LMNB1: variants seen among roughly 807,000 people sequenced by gnomAD.
LMNB1 encodes the protein lamin B1.
A neutral mutation model predicts 67.1 loss-of-function variants in LMNB1; 23 were observed. The ratio of observed to expected loss-of-function variants is 0.34; its 90% confidence interval spans 0.25 to 0.49. The LOEUF (loss-of-function observed/expected upper bound fraction) is 0.49, where lower values mean the gene tolerates loss of function less well. Among genes scored for constraint, LMNB1 ranks in the 20% least tolerant of loss-of-function variants. LMNB1 has a pLI of 0.99. For missense variants in LMNB1, 634 were observed against 746.5 expected (o/e 0.85, Z 1.76); for synonymous variants, 281 against 282.9 (o/e 0.99, Z 0.07).
At chr5:126,780,603 GTTAGTGTGA>G (rs935731005) in intron 1 of LMNB1, among the ~76,000 whole-genome samples, 1 of 152,204 alleles carries the variant, frequency 6.6e-6, no homozygotes, top group Non-Finnish European at 1.5e-5. Context: ...GGAGTGAAGG[GTTAGTGTGA>G]TTAAGGAAGG....
At chr5:126,826,167 G>GTGAAC in intron 9 of LMNB1, 60 bp downstream of exon 9, 1 of 1,545,034 alleles carries the variant, frequency 6.5e-7, no homozygotes. Context: ...CACTGTGCAA[G>GTGAAC]TATAATCAAG....
intron 3 of LMNB1, 71 bp downstream of exon 3, chr5:126,805,767 GTAATTATATTT>G (rs1751401875): frequency 9.7e-7 from 1 of 1,033,518 alleles, no homozygotes. Context: ...AGCTAAACAT[GTAATTATATTT>G]TATTTATGAT....
At chr5:126,788,042 G>A (rs1229316805) in intron 1 of LMNB1, among the ~76,000 whole-genome samples, 1 of 152,080 alleles carries the variant, frequency 6.6e-6, no homozygotes, top group Non-Finnish European at 1.5e-5. Context: ...CTTGAACTGA[G>A]GCAGGTGGAA....
At chr5:126,827,135 G>T (rs1253722212) in intron 9 of LMNB1, among the ~76,000 whole-genome samples, 1 of 151,792 alleles carries the variant, frequency 6.6e-6, no homozygotes, top group Non-Finnish European at 1.5e-5. Context: ...TATATAGGGG[G>T]AATGTTAGGC....
At chr5:126,807,991 C>T (rs1751492420) in intron 3 of LMNB1, among the ~76,000 whole-genome samples, 1 of 151,868 alleles carries the variant, frequency 6.6e-6, no homozygotes, top group African/African-American at 2.4e-5. Flanking sequence ...TCTGCTTCAG[C>T]CTCTGGAGTA....
At position 126,789,701 on chromosome 5, in the gene LMNB1, A is replaced by G. The variant is rs11241909; in HGVS notation, c.359+11834A>G. Among the ~76,000 whole-genome samples the G allele has an allele frequency of 7.8e-3, 1,182 of 151,752 alleles. 22 individuals are homozygous for G. Among genetic ancestry groups the G allele is most frequent in the African/African-American group, 0.028 (1,140 of 41,372 alleles). The stretch of plus-strand genomic sequence containing the variant: ...TTTGAATTTTTTTTTTGAGGACGAG[A>G]CTTGCTGTGTCTTCTTGGCTGGAGT... On this transcript the variant is annotated intron_variant, in intron 1 of 10. Coordinates refer to ENST00000261366, the MANE Select transcript of LMNB1 (RefSeq NM_005573.4).
chr5:126,796,742 A>G (rs1038085331), intron 1 of LMNB1, among the ~76,000 whole-genome samples: 4 of 149,006 alleles, frequency 2.7e-5, no homozygotes, highest in African/African-American at 7.5e-5. Context: ...GAATATAAAT[A>G]TATCCTTTCT....
At chr5:126,833,512 T>C (rs778006999) in intron 10 of LMNB1, among the ~76,000 whole-genome samples, 14 of 152,246 alleles carry the variant, frequency 9.2e-5, no homozygotes, top group Non-Finnish European at 1.9e-4. Flanking sequence ...ATAAACACTG[T>C]CTCATATATT....
intron 3 of LMNB1, among the ~76,000 whole-genome samples, chr5:126,809,244 AT>A (rs1258812078): frequency 6.6e-6 from 1 of 152,224 alleles, no homozygotes; most frequent in Non-Finnish European, 1.5e-5. Flanking sequence ...AACTACTTCT[AT>A]TCTTCAATGG....
chr5:126,812,174 T>TA (rs539907134), intron 5 of LMNB1, among the ~76,000 whole-genome samples: 58 of 152,342 alleles, frequency 3.8e-4, no homozygotes, highest in African/African-American at 1.3e-3. Context: ...TCACTGTACT[T>TA]ACCCTAGGAC....
intron 1 of LMNB1, among the ~76,000 whole-genome samples, chr5:126,798,941 A>T (rs939070492): frequency 3.9e-5 from 6 of 152,284 alleles, no homozygotes; most frequent in Non-Finnish European, 8.8e-5. Context: ...TGATCAATGC[A>T]CTGTAAGTGC....
intron 5 of LMNB1, among the ~76,000 whole-genome samples, chr5:126,815,649 G>A (rs1179211669): frequency 1.3e-5 from 2 of 152,096 alleles, no homozygotes; most frequent in African/African-American, 4.8e-5. Flanking sequence ...GATAGTTAGA[G>A]CTCTTCATTT....
intron 5 of LMNB1, among the ~76,000 whole-genome samples, chr5:126,816,110 C>A (rs1436369687): frequency 6.9e-6 from 1 of 144,922 alleles, no homozygotes; most frequent in Non-Finnish European, 1.5e-5. Flanking sequence ...TTTTTTTTTT[C>A]TTTTGGAGAA....
At chr5:126,803,368 C>A (rs1414829474) in intron 1 of LMNB1, among the ~76,000 whole-genome samples, 2 of 151,108 alleles carry the variant, frequency 1.3e-5, no homozygotes, top group Non-Finnish European at 3.0e-5. Flanking sequence ...TCCTCAGCCC[C>A]CTGAGTAGCT....
At chr5:126,834,704 G>T (rs569479634) in intron 10 of LMNB1, among the ~76,000 whole-genome samples, 1 of 152,096 alleles carries the variant, frequency 6.6e-6, no homozygotes, top group East Asian at 1.9e-4. Flanking sequence ...GTGAAACCCC[G>T]TCTCTACTAA....
At chr5:126,785,442 C>A (rs890171689) in intron 1 of LMNB1, among the ~76,000 whole-genome samples, 8 of 151,634 alleles carry the variant, frequency 5.3e-5, no homozygotes, top group Admixed American at 1.3e-4. Flanking sequence ...CAGGCACACG[C>A]CACCACGTCG....
intron 3 of LMNB1, 27 bp downstream of exon 3, chr5:126,805,723 A>T (rs368479541): frequency 1.7e-5 from 26 of 1,563,596 alleles, no homozygotes; most frequent in Non-Finnish European, 2.1e-5. Context: ...TTGCTTTGTA[A>T]AGGAATGGAG....
intron 6 of LMNB1, 52 bp from the exon 7 acceptor site, chr5:126,820,858 C>T (rs1386689111): frequency 6.1e-6 from 8 of 1,316,442 alleles, no homozygotes; most frequent in Admixed American, 2.0e-5. Flanking sequence ...TTTTTTAAGG[C>T]GAGAAGGGCA....
upstream of LMNB1, chr5:126,776,889 G>C (rs1431671368): frequency 1.3e-5 from 2 of 152,198 alleles, no homozygotes; most frequent in Admixed American, 6.5e-5. Flanking sequence ...CCCTGAGCCT[G>C]GTCCGGGAAC....
Sources: allele counts gnomAD v4.1 joint callset (sites outside exome capture counted in the v4.1 genomes callset), GRCh38; gene constraint gnomAD v4.1.1; transcripts MANE v1.5; gene names NCBI Gene and HGNC (gene_info 2026-07-23, HGNC 2026-07-21).